LMBR1: variants seen among roughly 807,000 people sequenced by gnomAD.
LMBR1 encodes limb development membrane protein 1.
In LMBR1, 52 loss-of-function variants were observed where a neutral mutation model predicts 73.9. The ratio of observed to expected loss-of-function variants is 0.70; its 90% CI spans 0.56 to 0.89. The LOEUF is 0.89. Among genes scored for constraint, LMBR1 ranks in the 40% least tolerant of loss-of-function variants. The pLI is 0.00. For missense variants in LMBR1, 539 were observed against 579.8 expected, an observed-to-expected ratio of 0.93 and a Z score of 0.72; for synonymous variants, 215 against 209.4, an observed-to-expected ratio of 1.03 and a Z score of -0.23.
chr7:156,799,298 C>T (rs1410251542), intron 4 of LMBR1, among the ~76,000 whole-genome samples: 1 of 152,084 alleles, frequency 6.6e-6, no homozygotes, highest in Non-Finnish European at 1.5e-5. Flanking sequence ...CGGTTTGTGA[C>T]AACTCTGTGG....
At chr7:156,809,947 T>C (rs1034756793) in intron 4 of LMBR1, among the ~76,000 whole-genome samples, 9 of 152,158 alleles carry the variant, frequency 5.9e-5, no homozygotes, top group Admixed American at 4.6e-4. Context: ...GTTTCTGCCA[T>C]TAAGTTTCCA....
chr7:156,882,406 G>C (rs1053654686), intron 1 of LMBR1, among the ~76,000 whole-genome samples: 4 of 152,060 alleles, frequency 2.6e-5, no homozygotes, highest in African/African-American at 9.7e-5. Context: ...TTCCAGCCTG[G>C]GAAAAAGAGT....
At chr7:156,790,140 TA>T (rs1237461302) in intron 5 of LMBR1, among the ~76,000 whole-genome samples, 1 of 152,096 alleles carries the variant, frequency 6.6e-6, no homozygotes, top group Non-Finnish European at 1.5e-5. Context: ...TTTCAAAAAA[TA>T]AAATAAAAGC....
chr7:156,841,593 T>A (rs1838710952), intron 1 of LMBR1, among the ~76,000 whole-genome samples: 1 of 152,076 alleles, frequency 6.6e-6, no homozygotes, highest in Non-Finnish European at 1.5e-5. Context: ...GAAAGCCACA[T>A]GAAGAAAGTT....
At chr7:156,736,641 C>G (rs971920328) in intron 9 of LMBR1, 7 of 456,340 alleles carry the variant, frequency 1.5e-5, no homozygotes, top group South Asian at 1.1e-4. Context: ...ACACAAGTGT[C>G]TGAGCCACAC....
At chr7:156,779,504 GAC>G (rs1826736027) in intron 5 of LMBR1, among the ~76,000 whole-genome samples, 1 of 152,166 alleles carries the variant, frequency 6.6e-6, no homozygotes, top group African/African-American at 2.4e-5. Context: ...AACACTTGTA[GAC>G]ACACAGATTT....
At chr7:156,864,719 G>A (rs938973845) in intron 1 of LMBR1, among the ~76,000 whole-genome samples, 3 of 152,210 alleles carry the variant, frequency 2.0e-5, no homozygotes, top group Middle Eastern at 3.4e-3. Flanking sequence ...TTCCAGGGCC[G>A]GGCACAGTGG....
intron 5 of LMBR1, among the ~76,000 whole-genome samples, chr7:156,785,504 G>A (rs868718943): frequency 1.3e-5 from 2 of 152,068 alleles, no homozygotes; most frequent in Non-Finnish European, 2.9e-5. Flanking sequence ...GCAGTGGCTC[G>A]CAAACTTATA....
chr7:156,734,173 A>G lies in LMBR1; in HGVS notation c.838+4T>C. ...CACAAGTCAAGAAAAAAAAAGTACA[A>G]TACCTAATTTTGTCTTAAGAGTCTT... On this transcript the variant is annotated splice_donor_region_variant and intron_variant, in intron 10 of 16. Coordinates refer to ENST00000353442, the MANE Select transcript of LMBR1 (RefSeq NM_022458.4). 1 of 1,581,926 alleles carries G rather than the reference A, an allele frequency of 6.3e-7. No individual in the cohort carries two copies. Among genetic ancestry groups the G allele is most frequent in the Non-Finnish European group, 8.6e-7 (1 of 1,160,502 alleles).
chr7:156,867,717 T>C (rs532014017), intron 1 of LMBR1, among the ~76,000 whole-genome samples: 2 of 152,328 alleles, frequency 1.3e-5, no homozygotes, highest in South Asian at 2.1e-4. Context: ...GACAAATCTA[T>C]ATAGGCAAAT....
chr7:156,676,499 C>T (rs202134363), downstream of LMBR1: 3 of 1,613,916 alleles, frequency 1.9e-6, no homozygotes, highest in African/African-American at 1.3e-5. Flanking sequence ...TGGGTGCAGG[C>T]AGGCGTTCCA....
At chr7:156,889,825 C>CA (rs1802579705) in intron 1 of LMBR1, among the ~76,000 whole-genome samples, 1 of 152,066 alleles carries the variant, frequency 6.6e-6, no homozygotes, top group Admixed American at 6.6e-5. Context: ...CTCACCTCTA[C>CA]AAAAAATTAA....
intron 4 of LMBR1, among the ~76,000 whole-genome samples, chr7:156,798,670 A>G (rs550070522): frequency 6.6e-6 from 1 of 152,304 alleles, no homozygotes; most frequent in East Asian, 1.9e-4. Context: ...TGTGGGGTAT[A>G]ACAATAATTA....
At position 156,823,504 on chromosome 7, in the gene LMBR1, T is replaced by C. The variant is rs987071452; in HGVS notation, c.319+3101A>G. The C allele has an allele frequency of 2.6e-5, 4 of 152,338 alleles. No homozygotes were observed. The South Asian group carries it at 8.3e-4, about 32-fold the overall frequency. The allele number at this position is 152,338 out of a possible 1,614,324, so 9.4% of individuals were successfully genotyped here. A position where few individuals can be genotyped will look rare whatever the true frequency, so the allele number is the denominator to read the frequency against. On this transcript the variant is annotated intron_variant, in intron 4 of 16. Transcript: ENST00000353442. The stretch of plus-strand genomic sequence containing the variant: ...CTCTAGATGCTCAACAACAGTTTAC[T>C]GGTGAAGTGAAATGTTTCACAAAGA...
At chr7:156,800,844 T>C (rs1290054270) in intron 4 of LMBR1, among the ~76,000 whole-genome samples, 3 of 152,126 alleles carry the variant, frequency 2.0e-5, no homozygotes, top group Non-Finnish European at 4.4e-5. Context: ...GAGATGTCAG[T>C]GGAGAAAGTC....
chr7:156,873,284 C>T (rs371689405), intron 1 of LMBR1, among the ~76,000 whole-genome samples: 7 of 151,328 alleles, frequency 4.6e-5, no homozygotes, highest in African/African-American at 1.5e-4. Flanking sequence ...TAAGGCAGCG[C>T]GTCTGGAGTT....
chr7:156,758,137 G>C (rs368136558), intron 8 of LMBR1, among the ~76,000 whole-genome samples: 1 of 152,152 alleles, frequency 6.6e-6, no homozygotes, highest in Non-Finnish European at 1.5e-5. Context: ...AGCTACTCCC[G>C]AGGAGAAAGA....
At chr7:156,672,823 T>C (rs1275161476), downstream of LMBR1, among the ~76,000 whole-genome samples, 1 of 152,212 alleles carries the variant, frequency 6.6e-6, no homozygotes, top group African/African-American at 2.4e-5. Context: ...AGTTGGGAGG[T>C]GACACCTCCA....
chr7:156,805,123 T>C (rs1831773822), intron 4 of LMBR1, among the ~76,000 whole-genome samples: 1 of 152,036 alleles, frequency 6.6e-6, no homozygotes, highest in South Asian at 2.1e-4. Context: ...GGCACCTTTG[T>C]CAAAAATCAA....
Sources: allele counts gnomAD v4.1 joint callset (sites outside exome capture counted in the v4.1 genomes callset), GRCh38; gene constraint gnomAD v4.1.1; transcripts MANE v1.5; gene names NCBI Gene and HGNC (gene_info 2026-07-23, HGNC 2026-07-21).